CUX2: variants seen among roughly 807,000 people sequenced by gnomAD.
The protein encoded by CUX2 is cut like homeobox 2.
A neutral mutation model predicts 144.8 loss-of-function variants in CUX2; 40 were observed. That is an observed-to-expected ratio of 0.28 (90% CI 0.21 to 0.36). The LOEUF is 0.36. Ranked by LOEUF, CUX2 falls within the 10% of genes least tolerant of loss-of-function variation. The pLI is 1.00. For missense variants in CUX2, 1,615 were observed against 1,994.0 expected (o/e 0.81, Z 3.62); for synonymous variants, 827 against 875.6 (o/e 0.94, Z 0.98).
At chr12:111,051,501 T>TTTG (rs1870264341) in intron 1 of CUX2, among the ~76,000 whole-genome samples, 1 of 152,116 alleles carries the variant, frequency 6.6e-6, no homozygotes, top group African/African-American at 2.4e-5. Context: ...TAACTTTTTT[T>TTTG]TTTTGTTTTG....
At chr12:111,110,584 CAG>C (rs1455731969) in intron 1 of CUX2, among the ~76,000 whole-genome samples, 1 of 152,212 alleles carries the variant, frequency 6.6e-6, no homozygotes, top group Non-Finnish European at 1.5e-5. Flanking sequence ...TTGTTACAAA[CAG>C]AAATAATATC....
intron 1 of CUX2, among the ~76,000 whole-genome samples, chr12:111,046,867 G>C (rs1245265142): frequency 6.6e-6 from 1 of 152,202 alleles, no homozygotes; most frequent in Non-Finnish European, 1.5e-5. Context: ...ACGTCGGCCA[G>C]GCTGGTCTTG....
intron 19 of CUX2, among the ~76,000 whole-genome samples, chr12:111,336,894 G>A (rs1356534838): frequency 6.6e-6 from 1 of 151,866 alleles, no homozygotes; most frequent in Non-Finnish European, 1.5e-5. Flanking sequence ...TGAACACTAG[G>A]CTGGGTGTAG....
chr12:111,336,370 G>A (rs73412338), intron 19 of CUX2, among the ~76,000 whole-genome samples: 6,496 of 151,754 alleles, frequency 0.043, 253 homozygotes, highest in South Asian at 0.19. Flanking sequence ...GAAAAAAAAA[G>A]TTACTAAAAA....
At chr12:111,341,695 C>T (rs538588497) in intron 20 of CUX2, 85 bp from the exon 21 acceptor site, 3 of 1,459,426 alleles carry the variant, frequency 2.1e-6, no homozygotes, top group Middle Eastern at 1.9e-4. Flanking sequence ...CTGACAGATG[C>T]ACTCCCACCA....
At chr12:111,189,371 C>G (rs1592819554) in intron 1 of CUX2, among the ~76,000 whole-genome samples, 2 of 152,228 alleles carry the variant, frequency 1.3e-5, no homozygotes, top group Middle Eastern at 3.4e-3. Flanking sequence ...AGCAACATAA[C>G]CATTCTCCTG....
intron 4 of CUX2, among the ~76,000 whole-genome samples, chr12:111,288,370 T>TGGTGAGGCACAGAGA (rs1227083565): frequency 3.9e-5 from 6 of 152,132 alleles, no homozygotes; most frequent in African/African-American, 1.4e-4. Context: ...GCTACATTTA[T>TGGTGAGGCACAGAGA]GGTGAGGCAC....
intron 21 of CUX2, among the ~76,000 whole-genome samples, chr12:111,345,760 GA>G (rs1388052645): frequency 2.0e-5 from 3 of 147,280 alleles, no homozygotes; most frequent in African/African-American, 7.5e-5. Context: ...AAAGTTTCAC[GA>G]AAAAGAAAAA....
chr12:111,044,644 A>T (rs1869912724), intron 1 of CUX2, among the ~76,000 whole-genome samples: 2 of 152,046 alleles, frequency 1.3e-5, no homozygotes, highest in South Asian at 4.1e-4. Flanking sequence ...TTGTGTATTT[A>T]TTTGTTCATT....
At chr12:111,091,571 C>T (rs372645771) in intron 1 of CUX2, among the ~76,000 whole-genome samples, 2 of 152,308 alleles carry the variant, frequency 1.3e-5, no homozygotes, top group East Asian at 3.9e-4. Context: ...ATAATTGTCA[C>T]CTGGGGTTCT....
chr12:111,270,668 G>A (rs1197209490), intron 4 of CUX2: 5 of 151,638 alleles, frequency 3.3e-5, no homozygotes, highest in Non-Finnish European at 5.9e-5. Flanking sequence ...AACAAGGAAC[G>A]AGGAAATGAG....
intron 1 of CUX2, among the ~76,000 whole-genome samples, chr12:111,090,572 C>G (rs955653476): frequency 6.6e-6 from 1 of 152,000 alleles, no homozygotes; most frequent in African/African-American, 2.4e-5. Flanking sequence ...GCCTGCGATC[C>G]CTTTACTACA....
At chr12:111,040,573 C>T (rs1869693211) in intron 1 of CUX2, among the ~76,000 whole-genome samples, 1 of 152,142 alleles carries the variant, frequency 6.6e-6, no homozygotes, top group Admixed American at 6.5e-5. Context: ...GTCGTGACCA[C>T]TCAGCCTAAA....
intron 18 of CUX2, among the ~76,000 whole-genome samples, chr12:111,329,429 G>C (rs980177464): frequency 1.3e-5 from 2 of 151,976 alleles, no homozygotes; most frequent in African/African-American, 4.8e-5. Flanking sequence ...CCATCACTTC[G>C]TCAGAAGCGA....
chr12:111,157,504 GTA>G (rs1877471607), intron 1 of CUX2, among the ~76,000 whole-genome samples: 1 of 152,238 alleles, frequency 6.6e-6, no homozygotes, highest in Admixed American at 6.5e-5. Flanking sequence ...TCTAGGTTGT[GTA>G]TAGAGAATCA....
intron 1 of CUX2, among the ~76,000 whole-genome samples, chr12:111,041,419 CT>C (rs762039214): frequency 4.5e-4 from 69 of 152,314 alleles, no homozygotes; most frequent in Non-Finnish European, 6.5e-4. Flanking sequence ...TCTCTTCTCT[CT>C]TACTCCTTTG....
chr12:111,191,390 A>C (rs901987391), intron 1 of CUX2, among the ~76,000 whole-genome samples: 3 of 151,868 alleles, frequency 2.0e-5, no homozygotes, highest in Non-Finnish European at 2.9e-5. Flanking sequence ...AGAGTGCAGT[A>C]GCATGATCTC....
intron 1 of CUX2, among the ~76,000 whole-genome samples, chr12:111,112,908 G>T (rs1218426144): frequency 6.6e-6 from 1 of 152,218 alleles, no homozygotes; most frequent in Admixed American, 6.5e-5. Flanking sequence ...CCCCGGCTGG[G>T]TTCAGCGTCT....
At position 111,043,905 on chromosome 12, in the gene CUX2, G is replaced by A. The variant is rs568582127; in HGVS notation, c.63+9665G>A. Among the ~76,000 whole-genome samples the A allele has an allele frequency of 1.2e-3, 185 of 152,260 alleles. 2 individuals carry two copies. The highest frequency in any genetic ancestry group is 4.1e-3 in the African/African-American group (170 of 41,538). ...ATGAGAATGCATCTTGCCCATCTTC[G>A]ACTTCAGGGAGCGTGATAGGACCCG... is the stretch of plus-strand genomic sequence containing the variant. On this transcript the variant is annotated intron_variant, in intron 1 of 21. Coordinates refer to ENST00000261726, the MANE Select transcript of CUX2 (RefSeq NM_015267.4).
Sources: allele counts gnomAD v4.1 joint callset (sites outside exome capture counted in the v4.1 genomes callset), GRCh38; gene constraint gnomAD v4.1.1; transcripts MANE v1.5; gene names NCBI Gene and HGNC (gene_info 2026-07-23, HGNC 2026-07-21).